The following ZNF860 variants were observed in gnomAD, a reference collection of about 807,000 sequenced individuals.
The protein encoded by ZNF860 is zinc finger protein 860.
For missense variants in ZNF860, 641 were observed against 759.2 expected (o/e 0.84, Z 1.83); for synonymous variants, 206 against 248.9 (o/e 0.83, Z 1.62).
At chr3:31,983,503 G>A (rs1225508093) in intron 1 of ZNF860, among the ~76,000 whole-genome samples, 1 of 152,190 alleles carries the variant, frequency 6.6e-6, no homozygotes, top group Non-Finnish European at 1.5e-5. Flanking sequence ...AAGCTAAAAG[G>A]AATAGTCAAG....
intron 1 of ZNF860, among the ~76,000 whole-genome samples, chr3:31,982,616 G>A (rs931999674): frequency 6.6e-6 from 1 of 150,888 alleles, no homozygotes; most frequent in Non-Finnish European, 1.5e-5. Flanking sequence ...TTGTGCCCCT[G>A]AGTAAATTAC....
At chr3:31,982,300 T>A (rs1172078630) in intron 1 of ZNF860, among the ~76,000 whole-genome samples, 1 of 152,212 alleles carries the variant, frequency 6.6e-6, no homozygotes, top group Non-Finnish European at 1.5e-5. Flanking sequence ...ATATCCATTG[T>A]AATCTGAAGT....
chr3:31,999,993 C>A, the ZNF860 span, among the ~76,000 whole-genome samples: 5 of 152,110 alleles, frequency 3.3e-5, no homozygotes, highest in African/African-American at 1.2e-4. Context: ...AGTGGTGCGG[C>A]CTCAGCTATA....
rs1380646127 is a variant in ZNF860 at position 31,990,847 on chromosome 3, G to C, written c.1768G>C (p.Gly590Arg). The change falls in exon 2 of 2, where the codon GGA (glycine) becomes CGA (arginine). Residue 590 changes from glycine to arginine, a missense_variant. By Grantham distance (125) the Gly-to-Arg change is moderately radical. Coordinates refer to ENST00000360311, the MANE Select transcript of ZNF860 (RefSeq NM_001137674.3). Reference protein sequence around the residue: ...SYAKQRRIHMGEKHHKCDDCG... With the variant: ...SYAKQRRIHMREKHHKCDDCG... The stretch of plus-strand genomic sequence containing the variant: ...TGCAAAACAAAGGAGAATTCATATG[G>C]GAGAGAAACATCACAAGTGTGATGA... The C allele has an allele frequency of 1.9e-6, 3 of 1,584,320 alleles. No homozygotes were observed. The highest frequency in any genetic ancestry group is 2.6e-6 in the Non-Finnish European group (3 of 1,164,126).
chr3:32,006,108 C>T, the ZNF860 span, among the ~76,000 whole-genome samples: 132 of 152,052 alleles, frequency 8.7e-4, no homozygotes, highest in Admixed American at 2.6e-3. Context: ...CCATGCCCAG[C>T]TAATTTTTGT....
chr3:32,001,905 C>T, the ZNF860 span, among the ~76,000 whole-genome samples: 4 of 152,282 alleles, frequency 2.6e-5, no homozygotes, highest in South Asian at 8.3e-4. Context: ...CTGACAATTA[C>T]AGCAATCCTG....
At chr3:31,994,775 G>T (rs551624991), downstream of ZNF860, among the ~76,000 whole-genome samples, 44 of 152,124 alleles carry the variant, frequency 2.9e-4, no homozygotes, top group Non-Finnish European at 5.7e-4. Flanking sequence ...TAAGATTGAG[G>T]CTCCTGAAAG....
At chr3:31,982,966 A>G (rs1215485566) in intron 1 of ZNF860, among the ~76,000 whole-genome samples, 1 of 152,190 alleles carries the variant, frequency 6.6e-6, no homozygotes, top group Non-Finnish European at 1.5e-5. Context: ...GAGCAGTCAT[A>G]TGGTTCCACC....
At chr3:31,994,105 G>A (rs1469615813), downstream of ZNF860, among the ~76,000 whole-genome samples, 1 of 152,208 alleles carries the variant, frequency 6.6e-6, no homozygotes, top group African/African-American at 2.4e-5. Context: ...TATGCATTAT[G>A]TTCAGTGAAA....
intron 1 of ZNF860, among the ~76,000 whole-genome samples, chr3:31,984,024 T>G (rs887805156): frequency 7.3e-6 from 1 of 137,570 alleles, no homozygotes; most frequent in Non-Finnish European, 1.6e-5. Flanking sequence ...GCCTAAGGGG[T>G]TTTTTTTGTT....
the ZNF860 span, among the ~76,000 whole-genome samples, chr3:32,001,933 T>C: frequency 5.3e-5 from 8 of 152,336 alleles, no homozygotes; most frequent in African/African-American, 7.2e-5. Flanking sequence ...GAGATTATTA[T>C]GCTTAATAAA....
downstream of ZNF860, among the ~76,000 whole-genome samples, chr3:31,995,491 T>C (rs921310038): frequency 6.6e-6 from 1 of 152,204 alleles, no homozygotes; most frequent in African/African-American, 2.4e-5. Flanking sequence ...TCAGACCTTA[T>C]GGTTGTCTTC....
chr3:31,992,651 G>A (rs1699046788), downstream of ZNF860, among the ~76,000 whole-genome samples: 2 of 152,214 alleles, frequency 1.3e-5, no homozygotes, highest in East Asian at 1.9e-4. Context: ...GAGCACACCT[G>A]GATGATCTTT....
At chr3:31,985,157 T>C (rs1266319072) in intron 1 of ZNF860, among the ~76,000 whole-genome samples, 1 of 152,172 alleles carries the variant, frequency 6.6e-6, no homozygotes, top group African/African-American at 2.4e-5. Flanking sequence ...GAAAATCGCT[T>C]GAACCCAGAA....
At chr3:32,000,375 A>G in the ZNF860 span, among the ~76,000 whole-genome samples, 1 of 152,098 alleles carries the variant, frequency 6.6e-6, no homozygotes, top group South Asian at 2.1e-4. Flanking sequence ...ACTGCCTCCA[A>G]CTGGTTTTGC....
At chr3:32,000,527 T>A in the ZNF860 span, among the ~76,000 whole-genome samples, 1 of 152,190 alleles carries the variant, frequency 6.6e-6, no homozygotes, top group African/African-American at 2.4e-5. Flanking sequence ...TAAAGGATAA[T>A]CAATGCATCT....
Position 31,989,774 on chromosome 3 carries a change from G to A in ZNF860, c.695G>A (p.Cys232Tyr). The A allele has an allele frequency of 6.2e-7, 1 of 1,614,160 alleles. No individual in the cohort carries two copies. Among genetic ancestry groups the A allele is most frequent in the Non-Finnish European group, 8.5e-7 (1 of 1,180,020 alleles). ...CACATAAGAGAAAAATCTTTCCAAT[G>A]TAATGAGAGTGGCAAAGCCTTTAAT... ...EVHIREKSFQ[C>Y]NESGKAFNCS... Residue 232 changes from cysteine (C) to tyrosine (Y), a missense_variant, in exon 2 of 2, where the codon TGT becomes TAT. Transcript: ENST00000360311.
At chr3:31,985,939 TC>T (rs1313932977) in intron 1 of ZNF860, among the ~76,000 whole-genome samples, 1 of 152,142 alleles carries the variant, frequency 6.6e-6, no homozygotes, top group Non-Finnish European at 1.5e-5. Flanking sequence ...TTCAGCAACA[TC>T]CCCCAAATTC....
At chr3:31,994,697 G>C (rs1259179722), downstream of ZNF860, among the ~76,000 whole-genome samples, 1 of 152,170 alleles carries the variant, frequency 6.6e-6, no homozygotes, top group Non-Finnish European at 1.5e-5. Context: ...TTTATAAATT[G>C]AAAGTGTACT....
Sources: allele counts gnomAD v4.1 joint callset (sites outside exome capture counted in the v4.1 genomes callset), GRCh38; gene constraint gnomAD v4.1.1; transcripts MANE v1.5; gene names NCBI Gene and HGNC (gene_info 2026-07-23, HGNC 2026-07-21).